PCDH15: variants seen among roughly 807,000 people sequenced by gnomAD.
PCDH15 encodes the protein protocadherin-15.
Under a neutral mutation model 178.5 loss-of-function variants are expected in PCDH15, and 129 were observed. The ratio of observed to expected loss-of-function variants is 0.72; its 90% CI spans 0.63 to 0.84. The LOEUF (loss-of-function observed/expected upper bound fraction) is 0.84. Among genes scored for constraint, PCDH15 ranks in the 40% least tolerant of loss-of-function variants. The probability of loss-of-function intolerance (pLI) is 0.00; values close to 1 mark genes in which losing one functional copy is unlikely to be tolerated. For synonymous variants in PCDH15, 800 were observed against 732.0 expected (o/e 1.09, Z -1.50); for missense variants, 2,230 against 2,099.9 (o/e 1.06, Z -1.21).
chr10:55,362,032 TTC>T (rs1461286338), intron 2 of PCDH15, among the ~76,000 whole-genome samples: 1 of 152,092 alleles, frequency 6.6e-6, no homozygotes, highest in Non-Finnish European at 1.5e-5. Context: ...GTCATGTGAT[TTC>T]TTCTGCTCAC....
chr10:54,304,292 T>C (rs1023514017), intron 8 of PCDH15, among the ~76,000 whole-genome samples: 17 of 152,130 alleles, frequency 1.1e-4, no homozygotes, highest in African/African-American at 4.1e-4. Flanking sequence ...CGCCTCTATA[T>C]ACCAACAAAA....
intron 15 of PCDH15, among the ~76,000 whole-genome samples, chr10:54,118,442 C>T (rs947954838): frequency 6.6e-5 from 10 of 152,028 alleles, no homozygotes; most frequent in Admixed American, 3.9e-4. Context: ...GGGCGGATCA[C>T]GAGGTCAGGA....
intron 2 of PCDH15, among the ~76,000 whole-genome samples, chr10:55,400,850 C>T (rs1838044761): frequency 6.6e-6 from 1 of 152,066 alleles, no homozygotes; most frequent in Admixed American, 6.6e-5. Context: ...AGTGGGACCA[C>T]AACCATGTGC....
intron 2 of PCDH15, among the ~76,000 whole-genome samples, chr10:55,368,865 G>A (rs569487309): frequency 3.3e-5 from 5 of 152,030 alleles, no homozygotes; most frequent in African/African-American, 7.2e-5. Flanking sequence ...TACAGGTTGC[G>A]TAAGAAGAAT....
In PCDH15 at chr10:54,840,138, T is replaced by C. The variant is rs544698764; in HGVS notation, c.-29+57312A>G. The stretch of plus-strand genomic sequence containing the variant: ...TTTCAAACTCACTGGTATAGTTAAA[T>C]AGACAGGCAAATTCAGAATACTCTA... On this transcript the variant is annotated intron_variant, in intron 3 of 5. Transcript: ENST00000458638. Among the ~76,000 whole-genome samples the C allele has an allele frequency of 3.9e-5, 6 of 152,146 alleles. No homozygotes were observed. In the East Asian group the frequency reaches 7.7e-4, roughly 20 times the overall value.
intron 3 of PCDH15, among the ~76,000 whole-genome samples, chr10:54,835,933 G>T (rs533721992): frequency 2.6e-5 from 4 of 152,136 alleles, no homozygotes; most frequent in African/African-American, 9.6e-5. Context: ...AAAATTAAAT[G>T]CAAACATTCT....
At chr10:54,457,452 A>G (rs920250171) in intron 3 of PCDH15, among the ~76,000 whole-genome samples, 1 of 152,102 alleles carries the variant, frequency 6.6e-6, no homozygotes, top group African/African-American at 2.4e-5. Flanking sequence ...AATCTTTCAC[A>G]TTACATTCCT....
At chr10:55,414,114 G>T (rs1021454474) in intron 2 of PCDH15, among the ~76,000 whole-genome samples, 12 of 151,484 alleles carry the variant, frequency 7.9e-5, no homozygotes, top group African/African-American at 2.4e-4. Flanking sequence ...TGGCTTCACA[G>T]TATTTAATTT....
chr10:55,446,892 A>C (rs1839330487), intron 2 of PCDH15, among the ~76,000 whole-genome samples: 1 of 152,136 alleles, frequency 6.6e-6, no homozygotes, highest in South Asian at 2.1e-4. Flanking sequence ...AAACCACAGT[A>C]AGAAGCAGAA....
Position 53,921,311 on chromosome 10 carries a change from T to TG in PCDH15, c.3373+17503_3373+17504insC, listed in dbSNP as rs2083978455. Among the ~76,000 whole-genome samples the TG allele has an allele frequency of 3.3e-5, 5 of 152,138 alleles. No homozygotes were observed. In the South Asian group the frequency reaches 1.0e-3, roughly 32 times the overall value. On this transcript the variant is annotated intron_variant, in intron 25 of 37. Transcript: ENST00000644397. Reference sequence around the variant, plus strand: ...GACATAAAGTAAAAATTTAGCACTGTAAGTTTCAAGTAATATGCCACCCCT... The same window carrying TG: ...GACATAAAGTAAAAATTTAGCACTGTGAAGTTTCAAGTAATATGCCACCCCT...
chr10:53,932,306 G>T (rs984201546), intron 25 of PCDH15, among the ~76,000 whole-genome samples: 8 of 152,168 alleles, frequency 5.3e-5, no homozygotes, highest in Non-Finnish European at 7.4e-5. Context: ...GGTCCTTTGG[G>T]TTGGTTTGGG....
chr10:53,862,066 T>G (rs949784649), intron 27 of PCDH15, among the ~76,000 whole-genome samples: 1 of 152,138 alleles, frequency 6.6e-6, no homozygotes, highest in African/African-American at 2.4e-5. Flanking sequence ...TTTTTCTTTT[T>G]TGCGATGGAG....
At chr10:54,813,630 C>T (rs890831394) in intron 3 of PCDH15, among the ~76,000 whole-genome samples, 1 of 152,126 alleles carries the variant, frequency 6.6e-6, no homozygotes, top group African/African-American at 2.4e-5. Flanking sequence ...CAGCTCTATT[C>T]CTTATTTATT....
intron 2 of PCDH15, among the ~76,000 whole-genome samples, chr10:55,330,714 T>C (rs1844177018): frequency 6.6e-6 from 1 of 151,942 alleles, no homozygotes. Context: ...GCAGTGTTCA[T>C]GTTGAAAGGA....
intron 14 of PCDH15, among the ~76,000 whole-genome samples, chr10:54,148,152 C>T (rs73243531): frequency 0.015 from 2,357 of 152,078 alleles, 75 homozygotes; most frequent in African/African-American, 0.054. Flanking sequence ...TTATTTAAAA[C>T]GCACTCAAAC....
At chr10:54,371,967 C>T (rs973335980) in intron 4 of PCDH15, among the ~76,000 whole-genome samples, 1 of 151,668 alleles carries the variant, frequency 6.6e-6, no homozygotes, top group African/African-American at 2.4e-5. Flanking sequence ...GATAAAAGAC[C>T]ATTGAAAAAG....
intron 3 of PCDH15, among the ~76,000 whole-genome samples, chr10:54,480,976 C>G (rs2078675116): frequency 6.6e-6 from 1 of 151,854 alleles, no homozygotes; most frequent in Non-Finnish European, 1.5e-5. Flanking sequence ...GCCCGTATTG[C>G]TGATGTTTGG....
chr10:53,940,116 A>T (rs1254922957), intron 24 of PCDH15, among the ~76,000 whole-genome samples: 1 of 152,112 alleles, frequency 6.6e-6, no homozygotes, highest in Non-Finnish European at 1.5e-5. Context: ...CATTTCTTTA[A>T]TATTTACTAT....
chr10:54,764,879 T>C (rs1948323495), intron 1 of PCDH15, among the ~76,000 whole-genome samples: 1 of 152,150 alleles, frequency 6.6e-6, no homozygotes. Flanking sequence ...GAGGAAGAAT[T>C]TTTGTAAGTC....
Sources: gnomAD v4.1 joint callset for allele counts (sites outside exome capture counted in the v4.1 genomes callset) on GRCh38, gnomAD v4.1.1 for gene constraint, MANE v1.5 for transcripts, NCBI Gene and HGNC (gene_info 2026-07-23, HGNC 2026-07-21) for gene names.